The following RP1 variants were observed in gnomAD, a reference collection of about 807,000 sequenced individuals.
RP1 encodes the protein RP1 axonemal microtubule associated.
In RP1, 16 loss-of-function variants were observed where a neutral mutation model predicts 14.8. That is an observed-to-expected ratio of 1.08 (90% CI 0.73 to 1.65). RP1 has a LOEUF of 1.65. Among genes scored for constraint, RP1 ranks in the 40% most tolerant of loss-of-function variants. The probability of loss-of-function intolerance (pLI) is 0.00; values close to 1 mark genes in which losing one functional copy is unlikely to be tolerated. For synonymous variants in RP1, 876 were observed against 883.6 expected (o/e 0.99, Z 0.15); for missense variants, 2,631 against 2,535.0 (o/e 1.04, Z -0.81).
chr8:54,711,476 C>T (rs527593577), intron 15 of RP1, among the ~76,000 whole-genome samples: 1 of 152,286 alleles, frequency 6.6e-6, no homozygotes, highest in East Asian at 1.9e-4. Flanking sequence ...CTGCTTTGGC[C>T]AGTGGTGAAT....
chr8:54,676,005 G>A (rs1310019243), intron 8 of RP1, among the ~76,000 whole-genome samples: 2 of 152,012 alleles, frequency 1.3e-5, no homozygotes, highest in African/African-American at 4.8e-5. Context: ...GGGCAAAAAG[G>A]CCTCGCTAGT....
intron 12 of RP1, among the ~76,000 whole-genome samples, chr8:54,697,288 C>G (rs1281807392): frequency 2.6e-5 from 4 of 152,186 alleles, no homozygotes; most frequent in Non-Finnish European, 4.4e-5. Context: ...GGCGTGATGG[C>G]TCATGCCTGT....
intron 1 of RP1, among the ~76,000 whole-genome samples, chr8:54,586,425 G>C (rs558048826): frequency 1.3e-5 from 2 of 152,324 alleles, no homozygotes; most frequent in South Asian, 4.1e-4. Flanking sequence ...GTGCCTCCCA[G>C]TTAGGCTACT....
At chr8:54,752,621 G>A (rs948441449) in intron 19 of RP1, among the ~76,000 whole-genome samples, 1 of 152,224 alleles carries the variant, frequency 6.6e-6, no homozygotes, top group Non-Finnish European at 1.5e-5. Context: ...AGCTCAGGGT[G>A]CAAGGCGGGA....
At chr8:54,630,970 C>A, downstream of RP1, 1 of 386,056 alleles carries the variant, frequency 2.6e-6, no homozygotes, top group Non-Finnish European at 3.5e-6. Flanking sequence ...GGTGTATTTC[C>A]CAGGAGTTAA....
intron 7 of RP1, among the ~76,000 whole-genome samples, chr8:54,669,136 A>C (rs1306125919): frequency 2.0e-5 from 3 of 152,166 alleles, no homozygotes; most frequent in Non-Finnish European, 4.4e-5. Context: ...CATCTGACAA[A>C]AGGCTAATAC....
chr8:54,625,131 G>A lies in RP1; in HGVS notation c.1249G>A (p.Ala417Thr). 6.2e-7 allele frequency: 1 copy of A among 1,614,156 alleles called. No individual in the cohort carries two copies. The highest frequency in any genetic ancestry group is 2.2e-5 in the East Asian group (1 of 44,870). ...EINIQMTDQV[A>T]ETCSSASWEN... ...AAACATTCAAATGACAGATCAAGTG[G>A]CTGAAACTTGCAGTTCTGCTAGTTG... is the stretch of plus-strand genomic sequence containing the variant. Residue 417 changes from alanine to threonine, a missense_variant, in exon 4 of 4, where the codon GCT (alanine) becomes ACT (threonine). Transcript: ENST00000220676.
chr8:54,684,070 C>G (rs1277229701), intron 12 of RP1, among the ~76,000 whole-genome samples: 5 of 144,678 alleles, frequency 3.5e-5, no homozygotes, highest in Admixed American at 7.1e-5. Flanking sequence ...TTGAGATAAT[C>G]GTGTGGTTTT....
chr8:54,688,213 A>G (rs1014656499), intron 12 of RP1, among the ~76,000 whole-genome samples: 1 of 151,706 alleles, frequency 6.6e-6, no homozygotes, highest in African/African-American at 2.4e-5. Flanking sequence ...TGGATATTAG[A>G]CTTTTGTTAG....
intron 24 of RP1, among the ~76,000 whole-genome samples, chr8:54,785,267 T>A (rs1436335644): frequency 6.6e-6 from 1 of 152,110 alleles, no homozygotes; most frequent in East Asian, 1.9e-4. Context: ...TCATGCAACA[T>A]GGAGTATTTT....
intron 24 of RP1, among the ~76,000 whole-genome samples, chr8:54,802,656 T>C (rs79814093): frequency 0.029 from 4,373 of 152,330 alleles, 122 homozygotes; most frequent in African/African-American, 0.064. Context: ...AGTATTTCTA[T>C]GATACACACA....
At chr8:54,727,605 G>A (rs1808689065) in intron 17 of RP1, among the ~76,000 whole-genome samples, 1 of 151,778 alleles carries the variant, frequency 6.6e-6, no homozygotes, top group Admixed American at 6.6e-5. Context: ...ACTGAGGCTG[G>A]CCAAGTAATT....
chr8:54,765,189 A>G (rs1365248696), intron 22 of RP1, among the ~76,000 whole-genome samples: 2 of 152,232 alleles, frequency 1.3e-5, no homozygotes, highest in African/African-American at 4.8e-5. Context: ...TTCACAAAGC[A>G]TTGTCCTTGC....
rs140640774 is a variant in RP1, at chr8:54,626,331, A to G, written c.2449A>G (p.Lys817Glu). The G allele has an allele frequency of 7.7e-5, 125 of 1,613,662 alleles. No homozygotes were observed. The African/African-American group carries it at 1.6e-3, about 20-fold the overall frequency. Residue 817 changes from lysine (K) to glutamate (E), a missense_variant, in exon 4 of 4, where the codon AAA (lysine) becomes GAA (glutamate). Coordinates refer to ENST00000220676, the MANE Select transcript of RP1 (RefSeq NM_006269.2). The part of the protein sequence containing the change: ...SKYCKSTFEN[K>E]SLFHVFNILE... Reference sequence around the variant, plus strand: ...ATATTGCAAAAGTACTTTTGAAAACAAAAGTTTATTTCATGTATTTAACAT... The same window carrying G: ...ATATTGCAAAAGTACTTTTGAAAACGAAAGTTTATTTCATGTATTTAACAT...
Position 54,628,329 on chromosome 8 carries a change from G to A in RP1, c.4447G>A (p.Val1483Ile). The change falls in exon 4 of 4, where the codon GTA becomes ATA. Residue 1483 changes from valine (V) to isoleucine (I), a missense_variant. Transcript: ENST00000220676. ...TGACACTGATATCTTTAATACAGTG[G>A]TAAATGGAGGAGAGCAAGCCACTGA... ...NHDTDIFNTV[V>I]NGGEQATEEL... 1 of 1,613,750 alleles carries A rather than the reference G, an allele frequency of 6.2e-7. No homozygotes were observed. Among genetic ancestry groups the A allele is most frequent in the Non-Finnish European group, 8.5e-7 (1 of 1,179,874 alleles).
rs1047853205 is a variant in RP1, at chr8:54,741,713, A to G, written c.2808+2684A>G. Among the ~76,000 whole-genome samples, 228 of 108,628 alleles carry G rather than the reference A, an allele frequency of 2.1e-3. 1 individual carries two copies. Among genetic ancestry groups the G allele is most frequent in the African/African-American group, 7.2e-3 (185 of 25,644 alleles). The allele number at this position is 108,628 out of a possible 152,430, so 71.3% of individuals were successfully genotyped here. On this transcript the variant is annotated intron_variant, in intron 19 of 22. Coordinates refer to the RP1 transcript ENST00000636932. Reference sequence around the variant, plus strand: ...TATAAATACAAATGTGTGTGTATATATATATATATATATATATATATATAT... The same window carrying G: ...TATAAATACAAATGTGTGTGTATATGTATATATATATATATATATATATAT...
At chr8:54,795,349 A>G (rs1810555061) in intron 24 of RP1, among the ~76,000 whole-genome samples, 1 of 152,144 alleles carries the variant, frequency 6.6e-6, no homozygotes, top group Non-Finnish European at 1.5e-5. Flanking sequence ...CAATGAATGA[A>G]TAGATAAACA....
Position 54,627,762 on chromosome 8 carries a change from A to T in RP1, c.3880A>T (p.Asn1294Tyr). ...TTATGGTGTGGATCAGACTTCTATGAATAAGGCTTGTTTCCTAGGAGAGGT... is the reference window on the plus strand; with the variant it reads ...TTATGGTGTGGATCAGACTTCTATGTATAAGGCTTGTTTCCTAGGAGAGGT... ...DGYGVDQTSMNKACFLGEVCS... is the reference protein window; with the variant it reads ...DGYGVDQTSMYKACFLGEVCS... The change falls in exon 4 of 4, where the codon AAT becomes TAT. Residue 1294 changes from asparagine (N) to tyrosine (Y), a missense_variant. Coordinates refer to ENST00000220676, the MANE Select transcript of RP1 (RefSeq NM_006269.2). 6.2e-7 allele frequency: 1 copy of T among 1,614,012 alleles called. No individual in the cohort carries two copies. The highest frequency in any genetic ancestry group is 8.5e-7 in the Non-Finnish European group (1 of 1,179,936).
intron 27 of RP1, among the ~76,000 whole-genome samples, chr8:54,861,944 G>T (rs1202788422): frequency 1.3e-5 from 2 of 152,138 alleles, no homozygotes; most frequent in African/African-American, 2.4e-5. Flanking sequence ...GTTCTTCTAG[G>T]AGGGTGGTTC....
Sources: allele counts gnomAD v4.1 joint callset (sites outside exome capture counted in the v4.1 genomes callset), GRCh38; gene constraint gnomAD v4.1.1; transcripts MANE v1.5; gene names NCBI Gene and HGNC (gene_info 2026-07-23, HGNC 2026-07-21).